DYNC2I1: variants seen among roughly 807,000 people sequenced by gnomAD.
DYNC2I1 encodes the protein cytoplasmic dynein 2 intermediate chain 1.
DYNC2I1 carries 89 observed loss-of-function variants against 133.4 expected under a neutral mutation model. The observed-to-expected ratio is 0.67, with a 90% CI of 0.56 to 0.80. DYNC2I1 has a LOEUF of 0.80. Among genes scored for constraint, DYNC2I1 ranks in the 30% least tolerant of loss-of-function variants. The pLI, the probability that DYNC2I1 is intolerant of heterozygous loss-of-function variation, is 0.00. For synonymous variants in DYNC2I1, 504 were observed against 484.3 expected, an observed-to-expected ratio of 1.04 and a Z score of -0.54; for missense variants, 1,291 against 1,314.5, an observed-to-expected ratio of 0.98 and a Z score of 0.28.
intron 15 of DYNC2I1, 42 bp from the exon 16 acceptor site, chr7:158,922,335 T>C: frequency 6.3e-7 from 1 of 1,584,466 alleles, no homozygotes; most frequent in Non-Finnish European, 8.6e-7. Context: ...ACTTGGATTC[T>C]GGCAGGTCGT....
At position 158,901,810 on chromosome 7, in the gene DYNC2I1, T is replaced by C; in HGVS notation, c.1131T>C (p.Asp377=). Residue 377 remains aspartate, a synonymous_variant, in exon 9 of 25, where the codon GAT becomes GAC. Coordinates refer to ENST00000407559, the MANE Select transcript of DYNC2I1 (RefSeq NM_018051.5). Reference sequence around the variant, plus strand: ...CATATACAGCCAGTTGTGAAGATGATTTTGAAGTATGTATAAAAGTTAAAA... The same window carrying C: ...CATATACAGCCAGTTGTGAAGATGACTTTGAAGTATGTATAAAAGTTAAAA... ...ADAYTASCED[D]FEDYEDDFEV... is the part of the protein sequence containing the mutation. The C allele has an allele frequency of 6.4e-7, 1 of 1,567,014 alleles. No individual in the cohort carries two copies. The highest frequency in any genetic ancestry group is 8.6e-7 in the Non-Finnish European group (1 of 1,156,272).
Position 158,918,736 on chromosome 7 carries a change from A to G in DYNC2I1, c.1792-4A>G, listed in dbSNP as rs759523874. On this transcript the variant is annotated splice_region_variant and splice_polypyrimidine_tract_variant and intron_variant, in intron 14 of 24. Transcript: ENST00000407559. Reference sequence around the variant, plus strand: ...ATTAAAGACTACTCACTTATGTCTGACAGGTGATGGCCGTTTTGCTGGAAG... The same window carrying G: ...ATTAAAGACTACTCACTTATGTCTGGCAGGTGATGGCCGTTTTGCTGGAAG... 1 of 1,613,608 alleles carries G rather than the reference A, an allele frequency of 6.2e-7. No homozygotes were observed. Among genetic ancestry groups the G allele is most frequent in the Non-Finnish European group, 8.5e-7 (1 of 1,179,684 alleles).
In DYNC2I1 at chr7:158,879,798, A is replaced by G; in HGVS notation, c.688A>G (p.Lys230Glu). ...AGATCGAGACAACAAACACCGAGAA[A>G]AAAGCAGCACAAGGGAAAAAAGAGA... ...EPDRDNKHRE[K>E]SSTREKREKY... Residue 230 changes from lysine to glutamate, a missense_variant, in exon 5 of 25, where the codon AAA becomes GAA. Transcript: ENST00000407559. The G allele has an allele frequency of 6.2e-7, 1 of 1,613,136 alleles. No individual in the cohort carries two copies. The highest frequency in any genetic ancestry group is 8.5e-7 in the Non-Finnish European group (1 of 1,179,636).
chr7:158,907,724 T>G (rs1344863409), intron 11 of DYNC2I1, among the ~76,000 whole-genome samples: 2 of 152,126 alleles, frequency 1.3e-5, no homozygotes, highest in Non-Finnish European at 2.9e-5. Context: ...ACCCTCCACC[T>G]CAGCCTCCTG....
Position 158,918,995 on chromosome 7 carries a change from C to CT in DYNC2I1, c.1921+127dup, listed in dbSNP as rs1585167146. On this transcript the variant is annotated intron_variant, in intron 15 of 24. Transcript: ENST00000407559. Reference sequence around the variant, plus strand: ...TTAATGTACATAAAACTGAGAAAGACTGAGTTTCTGCAGAATTCAAAAGTG... The same window carrying CT: ...TTAATGTACATAAAACTGAGAAAGACTTGAGTTTCTGCAGAATTCAAAAGTG... 5.4e-6 allele frequency: 6 copies of CT among 1,105,298 alleles called. No individual in the cohort carries two copies. The East Asian group carries it at 1.6e-4, about 30-fold the overall frequency. The allele number at this position is 1,105,298 out of a possible 1,614,324, so 68.5% of individuals were successfully genotyped here.
intron 1 of DYNC2I1, among the ~76,000 whole-genome samples, chr7:158,868,550 G>C (rs553037588): frequency 2.0e-5 from 3 of 152,372 alleles, no homozygotes; most frequent in South Asian, 4.1e-4. Context: ...TATCTGCGCA[G>C]CCCCAGCTCT....
the DYNC2I1 span, among the ~76,000 whole-genome samples, chr7:158,848,905 A>G: frequency 6.7e-6 from 1 of 149,776 alleles, no homozygotes; most frequent in Admixed American, 6.7e-5. Context: ...CCTGGGCAAC[A>G]GAGTGAGACT....
chr7:158,889,133 C>T (rs181490259), intron 7 of DYNC2I1, among the ~76,000 whole-genome samples: 1,785 of 142,226 alleles, frequency 0.013, 14 homozygotes, highest in Non-Finnish European at 0.017. Flanking sequence ...CAGGCTGGAG[C>T]GCAGTGGCGC....
At chr7:158,856,525 G>T, upstream of DYNC2I1, 1 of 429,302 alleles carries the variant, frequency 2.3e-6, no homozygotes. Context: ...TGCCTGCCAG[G>T]TGCTAAAAAT....
intron 8 of DYNC2I1, among the ~76,000 whole-genome samples, chr7:158,893,919 C>T (rs975505449): frequency 6.6e-6 from 1 of 151,598 alleles, no homozygotes; most frequent in African/African-American, 2.4e-5. Flanking sequence ...GCATATTATA[C>T]CATCTATCAT....
At chr7:158,847,877 C>T in the DYNC2I1 span, among the ~76,000 whole-genome samples, 2 of 152,154 alleles carry the variant, frequency 1.3e-5, no homozygotes, top group Non-Finnish European at 2.9e-5. Context: ...ACTATTAAAA[C>T]TAGAGGGTAT....
chr7:158,879,303 C>T (rs1215166735), intron 4 of DYNC2I1, among the ~76,000 whole-genome samples: 3 of 152,024 alleles, frequency 2.0e-5, no homozygotes, highest in Non-Finnish European at 4.4e-5. Context: ...TTTATAAAGA[C>T]AGCACAGTCG....
At chr7:158,865,428 T>C (rs549016783) in intron 1 of DYNC2I1, among the ~76,000 whole-genome samples, 1 of 152,366 alleles carries the variant, frequency 6.6e-6, no homozygotes, top group South Asian at 2.1e-4. Flanking sequence ...GATGATTTAG[T>C]TGATGTAAAT....
intron 23 of DYNC2I1, among the ~76,000 whole-genome samples, chr7:158,940,191 TC>T (rs1563206884): frequency 1.3e-5 from 2 of 152,178 alleles, no homozygotes. Flanking sequence ...AGACATTTTT[TC>T]CCAGAACTGG....
chr7:158,945,933 C>A lies in DYNC2I1; in HGVS notation c.*154C>A. 1 of 741,806 alleles carries A rather than the reference C, an allele frequency of 1.3e-6. No individual in the cohort carries two copies. Among genetic ancestry groups the A allele is most frequent in the Non-Finnish European group, 1.9e-6 (1 of 521,486 alleles). The allele number at this position is 741,806 out of a possible 1,614,324, so 46.0% of individuals were successfully genotyped here. A position where few individuals can be genotyped will look rare whatever the true frequency, so the allele number is the denominator to read the frequency against. On this transcript the variant is annotated 3_prime_UTR_variant, in exon 25 of 25. Transcript: ENST00000407559. The surrounding 1 kb of genome is among the most constrained non-coding windows in gnomAD (Gnocchi z 4.1). Reference sequence around the variant, plus strand: ...TTACATGAATATGTCTTTGGTATTCCCAGTAAATAGATGACTACTTTTGAG... The same window carrying A: ...TTACATGAATATGTCTTTGGTATTCACAGTAAATAGATGACTACTTTTGAG...
chr7:158,912,728 A>C (rs1847610347), intron 12 of DYNC2I1, among the ~76,000 whole-genome samples: 1 of 152,244 alleles, frequency 6.6e-6, no homozygotes, highest in South Asian at 2.1e-4. Flanking sequence ...GTCCTAAGAA[A>C]ATAGGGTGTG....
intron 1 of DYNC2I1, among the ~76,000 whole-genome samples, chr7:158,861,334 G>A (rs1375906536): frequency 1.3e-5 from 2 of 152,292 alleles, no homozygotes; most frequent in Non-Finnish European, 2.9e-5. Flanking sequence ...GACACAGCGA[G>A]CTTAATCTCA....
intron 23 of DYNC2I1, among the ~76,000 whole-genome samples, chr7:158,939,945 A>T (rs1851169663): frequency 6.6e-6 from 1 of 152,204 alleles, no homozygotes; most frequent in Non-Finnish European, 1.5e-5. Flanking sequence ...AGAGGATATA[A>T]CAGTTACAAG....
At chr7:158,917,871 C>T (rs1848631433) in intron 14 of DYNC2I1, among the ~76,000 whole-genome samples, 3 of 152,218 alleles carry the variant, frequency 2.0e-5, no homozygotes. Flanking sequence ...GTCCTCACTA[C>T]ACATTCCCTT....
Sources: gnomAD v4.1 joint callset for allele counts (sites outside exome capture counted in the v4.1 genomes callset) on GRCh38, gnomAD v4.1.1 for gene constraint, Gnocchi (gnomAD v3.1) non-coding constraint, MANE v1.5 for transcripts, NCBI Gene and HGNC (gene_info 2026-07-23, HGNC 2026-07-21) for gene names.